FARSB: variants seen among roughly 807,000 people sequenced by gnomAD.
FARSB encodes the protein phenylalanine--tRNA ligase beta subunit.
FARSB carries 40 observed loss-of-function variants against 69.6 expected under a neutral mutation model. The observed-to-expected ratio is 0.57, with a 90% CI of 0.45 to 0.75. The LOEUF is 0.75. Among genes scored for constraint, FARSB ranks in the 30% least tolerant of loss-of-function variants. The pLI is 0.00. For missense variants in FARSB, 632 were observed against 722.9 expected (o/e 0.87, Z 1.44); for synonymous variants, 235 against 247.2 (o/e 0.95, Z 0.46).
At chr2:222,606,207 A>G (rs1690700867) in intron 15 of FARSB, among the ~76,000 whole-genome samples, 2 of 152,102 alleles carry the variant, frequency 1.3e-5, no homozygotes, top group Admixed American at 6.5e-5. Context: ...TTACTTCCTT[A>G]TATCTTGCTA....
chr2:222,596,362 A>G (rs1690414587), intron 16 of FARSB, among the ~76,000 whole-genome samples: 2 of 152,190 alleles, frequency 1.3e-5, no homozygotes, highest in Admixed American at 6.5e-5. Context: ...GTTCTGTTCC[A>G]TTCATCCCTA....
rs770964019 is a variant in FARSB, at chr2:222,571,967, G to A, written c.1674C>T (p.Val558=). 16 of 1,613,776 alleles carry A rather than the reference G, an allele frequency of 9.9e-6. No homozygotes were observed. The highest frequency in any genetic ancestry group is 8.9e-5 in the East Asian group (4 of 44,886). ...CAGGATGAAGGACCCCAAGCTTCCC[G>A]ACGCTTTGACCCCTGGCAAAGATCT... ...CAEIFARGQS[V]GKLGVLHPDV... The change falls in exon 17 of 17, where the codon GTC becomes GTT. Residue 558 remains valine (V), a synonymous_variant. Transcript: ENST00000281828.
At chr2:222,589,508 C>A (rs1690207905) in intron 16 of FARSB, among the ~76,000 whole-genome samples, 1 of 150,540 alleles carries the variant, frequency 6.6e-6, no homozygotes, top group African/African-American at 2.5e-5. Flanking sequence ...CCAAAATAGA[C>A]AAATGGTATC....
At chr2:222,642,776 C>T in intron 3 of FARSB, 75 bp downstream of exon 3, 1 of 1,152,080 alleles carries the variant, frequency 8.7e-7, no homozygotes, top group Non-Finnish European at 1.2e-6. Flanking sequence ...GAAATTTAAA[C>T]ATGGCTGCTG....
At chr2:222,583,378 G>A (rs1352809288) in intron 16 of FARSB, among the ~76,000 whole-genome samples, 1 of 152,186 alleles carries the variant, frequency 6.6e-6, no homozygotes, top group East Asian at 1.9e-4. Context: ...AGTGATTACA[G>A]TGAACATTAT....
chr2:222,603,567 A>G (rs1690619481), intron 15 of FARSB, among the ~76,000 whole-genome samples: 1 of 151,060 alleles, frequency 6.6e-6, no homozygotes, highest in Admixed American at 6.6e-5. Context: ...TATTATTCCT[A>G]TAAAACAGAT....
chr2:222,633,136 T>C, intron 7 of FARSB, 63 bp downstream of exon 7: 1 of 856,978 alleles, frequency 1.2e-6, no homozygotes, highest in Non-Finnish European at 2.0e-6. Flanking sequence ...TTGAGAATTC[T>C]ACAGAAATGC....
At chr2:222,621,038 A>G (rs2106216367) in intron 13 of FARSB, among the ~76,000 whole-genome samples, 1 of 152,326 alleles carries the variant, frequency 6.6e-6, no homozygotes, top group South Asian at 2.1e-4. Context: ...CCCACAGCAT[A>G]AAGAAGTTTT....
chr2:222,630,485 C>A (rs1473592700), intron 8 of FARSB, among the ~76,000 whole-genome samples: 1 of 152,268 alleles, frequency 6.6e-6, no homozygotes, highest in East Asian at 1.9e-4. Flanking sequence ...TCTTAACAAT[C>A]TCCTAAGTCT....
Position 222,569,275 on chromosome 2 carries a change from C to A in FARSB, c.*2596G>T, listed in dbSNP as rs1689677657. 6.6e-6 allele frequency: 1 copy of A among 152,132 alleles called. No homozygotes were observed. The highest frequency in any genetic ancestry group is 1.5e-5 in the Non-Finnish European group (1 of 68,024). 9.4% of individuals were successfully genotyped at this position (152,132 alleles called of 1,614,324 possible). A position where few individuals can be genotyped will look rare whatever the true frequency, so the allele number is the denominator to read the frequency against. ...CATTACAAGTAATTTTGGCCACCCCCAAAAATATCCAGGTGGGTAGCTGCT... is the reference window on the plus strand; with the variant it reads ...CATTACAAGTAATTTTGGCCACCCCAAAAAATATCCAGGTGGGTAGCTGCT... On this transcript the variant is annotated 3_prime_UTR_variant, in exon 17 of 17. Coordinates refer to ENST00000281828, the MANE Select transcript of FARSB (RefSeq NM_005687.5).
At chr2:222,633,081 G>A (rs1455170707) in intron 7 of FARSB, 118 bp downstream of exon 7, 2 of 679,428 alleles carry the variant, frequency 2.9e-6, no homozygotes, top group Non-Finnish European at 5.3e-6. Context: ...AAAGACCTGA[G>A]ATACTCAGAT....
At chr2:222,605,161 T>TTCTCTCTC (rs71053093) in intron 15 of FARSB, among the ~76,000 whole-genome samples, 3,233 of 132,626 alleles carry the variant, frequency 0.024, 104 homozygotes, top group African/African-American at 0.055. Context: ...AATACAAACT[T>TTCTCTCTC]TCTCTCTCTC....
chr2:222,648,528 T>C (rs1302134367), intron 2 of FARSB, among the ~76,000 whole-genome samples: 1 of 152,196 alleles, frequency 6.6e-6, no homozygotes, highest in Admixed American at 6.5e-5. Flanking sequence ...AACAAGGTGA[T>C]TGTAGATGGA....
intron 16 of FARSB, among the ~76,000 whole-genome samples, chr2:222,586,268 T>C (rs1282950460): frequency 3.3e-5 from 5 of 152,148 alleles, no homozygotes; most frequent in Middle Eastern, 3.2e-3. Context: ...CTAAGCTCCA[T>C]AAGTGAAGGA....
At chr2:222,632,479 A>C (rs1049002399) in intron 7 of FARSB, among the ~76,000 whole-genome samples, 2 of 152,186 alleles carry the variant, frequency 1.3e-5, no homozygotes, top group Non-Finnish European at 2.9e-5. Context: ...TCTTGAGAAG[A>C]AGCTTCTCCT....
chr2:222,583,891 C>T (rs1042776094), intron 16 of FARSB, among the ~76,000 whole-genome samples: 1 of 152,134 alleles, frequency 6.6e-6, no homozygotes, highest in African/African-American at 2.4e-5. Context: ...TGATGAAATG[C>T]CTTTCACCAT....
chr2:222,615,095 T>C (rs1228323827), intron 14 of FARSB, among the ~76,000 whole-genome samples: 1 of 152,148 alleles, frequency 6.6e-6, no homozygotes, highest in Non-Finnish European at 1.5e-5. Context: ...CCCTGGTACA[T>C]TAAAAAAAAG....
At chr2:222,599,598 C>T (rs902776109) in intron 16 of FARSB, among the ~76,000 whole-genome samples, 2 of 152,144 alleles carry the variant, frequency 1.3e-5, no homozygotes, top group African/African-American at 2.4e-5. Context: ...TACCAGCTTC[C>T]AGTTAAAACT....
chr2:222,636,098 A>G (rs1009938163), intron 5 of FARSB, among the ~76,000 whole-genome samples: 7 of 150,654 alleles, frequency 4.6e-5, no homozygotes, highest in Non-Finnish European at 7.4e-5. Flanking sequence ...AAAAAAAAAG[A>G]TAAGAAAATA....
Sources: gnomAD v4.1 joint callset for allele counts (sites outside exome capture counted in the v4.1 genomes callset) on GRCh38, gnomAD v4.1.1 for gene constraint, MANE v1.5 for transcripts, NCBI Gene and HGNC (gene_info 2026-07-23, HGNC 2026-07-21) for gene names.